PDZD7: variants seen among roughly 807,000 people sequenced by gnomAD.
PDZD7 encodes the protein PDZ domain containing 7, also known as PDZ domain-containing protein 7.
A neutral mutation model predicts 84.7 loss-of-function variants in PDZD7; 72 were observed. That is an observed-to-expected ratio of 0.85 (90% CI 0.70 to 1.03). PDZD7 has a LOEUF of 1.03. Ranked by LOEUF, PDZD7 falls within the 50% of genes least tolerant of loss-of-function variation. The pLI is 0.00. For missense variants in PDZD7, 1,490 were observed against 1,412.9 expected (o/e 1.05, Z -0.87); for synonymous variants, 594 against 580.7 (o/e 1.02, Z -0.33).
chr10:101,020,325 C>T (rs763310792), intron 7 of PDZD7, among the ~76,000 whole-genome samples: 7 of 152,078 alleles, frequency 4.6e-5, no homozygotes, highest in African/African-American at 1.4e-4. Context: ...AGGCTGGTCT[C>T]GAACTCCCAA....
rs533823381 is a variant in PDZD7, at chr10:101,013,745, A to G, written c.1750-1487T>C. 3.9e-5 allele frequency among the ~76,000 whole-genome samples: 6 copies of G among 151,926 alleles called. No homozygotes were observed. In the East Asian group the frequency reaches 1.2e-3, roughly 29 times the overall value. ...GGGTTAGGGAGTTGAATCTGGGAGG[A>G]CCTCGAATGTGAGAGCCAAAGACAA... On this transcript the variant is annotated intron_variant, in intron 11 of 16. Transcript: ENST00000619208.
chr10:101,011,555 G>C (rs1590046495), intron 14 of PDZD7, 135 bp downstream of exon 14: 1 of 1,454,506 alleles, frequency 6.9e-7, no homozygotes, highest in East Asian at 2.5e-5. Flanking sequence ...GTGGACAAGA[G>C]CTTTCCTTCA....
intron 9 of PDZD7, chr10:101,017,856 AAAGAAAGAAAGAAAGAAAGAAAGAAAG>A: frequency 4.6e-6 from 2 of 437,882 alleles, no homozygotes; most frequent in Non-Finnish European, 7.7e-6. Flanking sequence ...AGAAAGAAAG[AAAGAAAGAAAGAAAGAAAGAAAGAAAG>A]AAAGAAAGAA....
At chr10:101,014,483 G>A (rs962149901) in intron 11 of PDZD7, among the ~76,000 whole-genome samples, 3 of 152,130 alleles carry the variant, frequency 2.0e-5, no homozygotes, top group Non-Finnish European at 2.9e-5. Context: ...CTGCATTGCC[G>A]GCCCACTGGA....
Position 101,010,856 on chromosome 10 carries a change from G to C in PDZD7, c.2033C>G (p.Pro678Arg). ...PDSRGGFYLL[P>R]VNGFPEEEDN... ...TTCCTCTTCCGGGAAGCCGTTCACC[G>C]GCAGCAGGTAGAAGCCTCCGCGGCT... Residue 678 changes from proline to arginine, a missense_variant, in exon 15 of 17, where the codon CCG (proline) becomes CGG (arginine). Pro to Arg is a moderately radical substitution (Grantham distance 103). Coordinates refer to ENST00000619208, the MANE Select transcript of PDZD7 (RefSeq NM_001195263.2). The C allele has an allele frequency of 6.5e-7, 1 of 1,534,434 alleles. No individual in the cohort carries two copies. Among genetic ancestry groups the C allele is most frequent in the South Asian group, 1.2e-5 (1 of 84,006 alleles).
Position 101,020,627 on chromosome 10 carries a change from G to GC in PDZD7, c.918dup (p.Leu307AlafsTer17), listed in dbSNP as rs2134074165. ...GATCTGAGCCACTTACGTCGGTCCA[G>GC]CCAGCAGTACTCAGAAACCATCTCC... On this transcript the variant is annotated frameshift_variant, in exon 7 of 17. Transcript: ENST00000619208. LOFTEE classifies it high-confidence loss of function. 1.2e-6 allele frequency: 2 copies of GC among 1,613,848 alleles called. No homozygotes were observed. The highest frequency in any genetic ancestry group is 1.7e-6 in the Non-Finnish European group (2 of 1,179,814).
chr10:101,030,411 AG>A, intron 1 of PDZD7, 27 bp from the exon 2 acceptor site: 1 of 695,896 alleles, frequency 1.4e-6, no homozygotes, highest in South Asian at 1.5e-5. Flanking sequence ...GGGATGAGGG[AG>A]GGGTGTAAAT....
Position 101,010,889 on chromosome 10 carries a change from G to T in PDZD7, c.2006-6C>A. On this transcript the variant is annotated splice_polypyrimidine_tract_variant and splice_region_variant and intron_variant, in intron 14 of 16. Coordinates refer to ENST00000619208, the MANE Select transcript of PDZD7 (RefSeq NM_001195263.2). Reference sequence around the variant, plus strand: ...GTAGAAGCCTCCGCGGCTGTCTGGGGAAGAGCGCCAAGGTCAGCTGCCCAC... The same window carrying T: ...GTAGAAGCCTCCGCGGCTGTCTGGGTAAGAGCGCCAAGGTCAGCTGCCCAC... The T allele has an allele frequency of 6.5e-7, 1 of 1,533,758 alleles. No individual in the cohort carries two copies. Among genetic ancestry groups the T allele is most frequent in the South Asian group, 1.2e-5 (1 of 83,976 alleles).
chr10:101,026,663 TC>T (rs1937720849), intron 2 of PDZD7, among the ~76,000 whole-genome samples: 1 of 123,778 alleles, frequency 8.1e-6, no homozygotes, highest in Non-Finnish European at 1.7e-5. Context: ...CAGGGAGAAA[TC>T]ACACACACAC....
At chr10:101,022,011 C>G (rs368019826) in intron 5 of PDZD7, 66 bp from the exon 6 acceptor site, 16 of 1,592,094 alleles carry the variant, frequency 1.0e-5, no homozygotes, top group Non-Finnish European at 1.3e-5. Flanking sequence ...ACTCCAGACC[C>G]CCTTCTCTTG....
In PDZD7 at chr10:101,007,880, C is replaced by CCT. The variant is rs1364671906; in HGVS notation, c.*586_*587insAG. On this transcript the variant is annotated 3_prime_UTR_variant, in exon 17 of 17. Transcript: ENST00000619208. ...AGAGTACAGGAACTTGTTTGACCCCCCCCCCCCCACCATTTGCTGGCTATT... is the reference window on the plus strand; with the variant it reads ...AGAGTACAGGAACTTGTTTGACCCCCCTCCCCCCCCACCATTTGCTGGCTATT... The CCT allele has an allele frequency of 1.3e-5, 1 of 78,258 alleles. No individual in the cohort carries two copies. Among genetic ancestry groups the CCT allele is most frequent in the African/African-American group, 5.2e-5 (1 of 19,182 alleles). The allele number at this position is 78,258 out of a possible 1,614,324, so 4.8% of individuals were successfully genotyped here.
chr10:101,016,172 C>T (rs1313684777), intron 10 of PDZD7, among the ~76,000 whole-genome samples: 2 of 152,196 alleles, frequency 1.3e-5, no homozygotes, highest in South Asian at 4.1e-4. Context: ...AAATGCATCC[C>T]AATATCTGTC....
rs993959660 is a variant in PDZD7 at position 101,008,115 on chromosome 10, GTC to G, written c.*350_*351del. 6.1e-6 allele frequency: 2 copies of G among 328,918 alleles called. No individual in the cohort carries two copies. Among genetic ancestry groups the G allele is most frequent in the Non-Finnish European group, 1.1e-5 (2 of 179,766 alleles). 20.4% of individuals were successfully genotyped at this position (328,918 alleles called of 1,614,324 possible). ...GACCCCTTCAGGGCCCTGTCTGAGA[GTC>G]TGTGTCCCTGGAGGCTTGGGCGACT... On this transcript the variant is annotated 3_prime_UTR_variant, in exon 17 of 17. Transcript: ENST00000619208.
Position 101,030,275 on chromosome 10 carries a change from A to G in PDZD7, c.-56T>C, listed in dbSNP as rs780200697. The G allele has an allele frequency of 3.7e-4, 543 of 1,472,070 alleles. No homozygotes were observed. Among genetic ancestry groups the G allele is most frequent in the Non-Finnish European group, 4.6e-4 (503 of 1,083,226 alleles). 91.2% of individuals were successfully genotyped at this position (1,472,070 alleles called of 1,614,324 possible). ...TCCAGAAGGAATCTGCTAGCTCTGG[A>G]GAGGCCAGCCCTGCGTGCTTCGAGC... On this transcript the variant is annotated 5_prime_UTR_variant, in exon 2 of 17. Coordinates refer to ENST00000619208, the MANE Select transcript of PDZD7 (RefSeq NM_001195263.2).
chr10:101,009,463 C>G (rs1356576047), intron 15 of PDZD7, 113 bp from the exon 16 acceptor site: 2 of 806,860 alleles, frequency 2.5e-6, no homozygotes, highest in Non-Finnish European at 4.1e-6. Context: ...TCTCCCACAT[C>G]CCTACATTCT....
chr10:101,025,893 A>C (rs955888652), intron 2 of PDZD7, among the ~76,000 whole-genome samples: 1 of 152,076 alleles, frequency 6.6e-6, no homozygotes, highest in African/African-American at 2.4e-5. Flanking sequence ...CCATCTTTGG[A>C]GGCATGCAAG....
At chr10:101,017,606 A>AC (rs1216542682) in intron 9 of PDZD7, 1 of 700,234 alleles carries the variant, frequency 1.4e-6, no homozygotes. Flanking sequence ...ACAGGGTGAA[A>AC]CCCCCATCTC....
At chr10:101,018,373 G>A in intron 8 of PDZD7, 77 bp from the exon 9 acceptor site, 1 of 1,508,932 alleles carries the variant, frequency 6.6e-7, no homozygotes, top group Non-Finnish European at 9.2e-7. Flanking sequence ...GTGTGGGGAG[G>A]GACAGAGAGA....
intron 12 of PDZD7, 35 bp from the exon 13 acceptor site, chr10:101,012,051 G>C (rs1487500132): frequency 1.9e-6 from 3 of 1,543,154 alleles, no homozygotes; most frequent in South Asian, 1.2e-5. Flanking sequence ...GGGTGGGAGG[G>C]GCAGGCAGGA....
Sources: gnomAD v4.1 joint callset for allele counts (sites outside exome capture counted in the v4.1 genomes callset) on GRCh38, gnomAD v4.1.1 for gene constraint, MANE v1.5 for transcripts, NCBI Gene and HGNC (gene_info 2026-07-23, HGNC 2026-07-21) for gene names.